Variants in OPHN1 observed in about 807,000 individuals in gnomAD.
OPHN1 encodes the protein oligophrenin-1.
Under a neutral mutation model 60.7 loss-of-function variants are expected in OPHN1, and 11 were observed. That is an observed-to-expected ratio of 0.18 (90% confidence interval 0.11 to 0.30). The LOEUF (loss-of-function observed/expected upper bound fraction) is 0.30. OPHN1 is among the 10% of genes least tolerant of loss of function. The pLI, the probability that OPHN1 is intolerant of heterozygous loss-of-function variation, is 1.00. For synonymous variants in OPHN1, 226 were observed against 222.6 expected (o/e 1.02, Z -0.14); for missense variants, 449 against 611.0 (o/e 0.73, Z 2.80).
At chrX:68,250,967 C>T (rs748555036) in intron 5 of OPHN1, among the ~76,000 whole-genome samples, 2 of 110,492 alleles carry the variant, frequency 1.8e-5, no homozygotes, top group African/African-American at 3.3e-5. Context: ...CAATATATAA[C>T]ATTTAAGTAC....
chrX:68,168,665 G>A lies in OPHN1; in HGVS notation c.1276+24254C>T, dbSNP rs758495231. ...AAATAACTAAAATCAGAGCAGAACT[G>A]AAGGAAATAGAGACACAGAAAACCC... On this transcript the variant is annotated intron_variant, in intron 15 of 24. Coordinates refer to ENST00000355520, the MANE Select transcript of OPHN1 (RefSeq NM_002547.3). 2.2e-4 allele frequency among the ~76,000 whole-genome samples: 25 copies of A among 112,482 alleles called. No individual in the cohort carries two copies. The East Asian group carries it at 5.3e-3, about 24-fold the overall frequency.
At chrX:68,179,037 T>G (rs1044451654) in intron 15 of OPHN1, among the ~76,000 whole-genome samples, 8 of 112,277 alleles carry the variant, frequency 7.1e-5, no homozygotes, top group Admixed American at 9.5e-5. Context: ...CTAGTTCCCT[T>G]TTAGCATTCC....
intron 15 of OPHN1, among the ~76,000 whole-genome samples, chrX:68,131,029 C>T (rs968893820): frequency 2.7e-5 from 3 of 109,796 alleles, no homozygotes; most frequent in African/African-American, 9.9e-5. Flanking sequence ...GAGAAGATGG[C>T]AAAAAATAAG....
chrX:68,227,474 G>A (rs1259073602), intron 6 of OPHN1, among the ~76,000 whole-genome samples: 5 of 110,836 alleles, frequency 4.5e-5, no homozygotes, highest in South Asian at 3.9e-4. Flanking sequence ...GCACCACATC[G>A]CACTTATTAA....
intron 23 of OPHN1, among the ~76,000 whole-genome samples, chrX:68,049,062 G>T (rs1422632204): frequency 9.0e-6 from 1 of 110,923 alleles, no homozygotes; most frequent in African/African-American, 3.3e-5. Context: ...TCCCATCCAT[G>T]GCTTCAATTG....
At chrX:68,120,586 A>G (rs1192600518) in intron 15 of OPHN1, among the ~76,000 whole-genome samples, 2 of 111,909 alleles carry the variant, frequency 1.8e-5, no homozygotes, top group Non-Finnish European at 3.8e-5. Context: ...TCTGGGTTCA[A>G]TGCAATTCCT....
At chrX:68,141,948 GAAAGAAAGAAAGAAGA>G (rs2077245117) in intron 15 of OPHN1, among the ~76,000 whole-genome samples, 1 of 97,951 alleles carries the variant, frequency 1.0e-5, no homozygotes, top group Non-Finnish European at 2.2e-5. Context: ...AAGAAAGAAA[GAAAGAAAGAAAGAAGA>G]GAGGCAAGAG....
chrX:68,340,828 A>C (rs1160659398), intron 2 of OPHN1, among the ~76,000 whole-genome samples: 1 of 110,231 alleles, frequency 9.1e-6, no homozygotes, highest in Non-Finnish European at 1.9e-5. Context: ...ACATGATGAA[A>C]CCCTGTCTCT....
chrX:68,310,588 G>A (rs1464971239), intron 2 of OPHN1, among the ~76,000 whole-genome samples: 1 of 110,562 alleles, frequency 9.0e-6, no homozygotes, highest in Admixed American at 9.7e-5. Flanking sequence ...AGGCAAATAA[G>A]TGGGTTCTCT....
chrX:68,295,170 A>C (rs1443426781), intron 3 of OPHN1, among the ~76,000 whole-genome samples: 3 of 112,200 alleles, frequency 2.7e-5, no homozygotes, highest in Non-Finnish European at 5.6e-5. Context: ...TCGGATATGA[A>C]GTTATACGAG....
At chrX:68,069,714 G>A (rs2076926108) in intron 20 of OPHN1, among the ~76,000 whole-genome samples, 1 of 110,629 alleles carries the variant, frequency 9.0e-6, no homozygotes, top group Non-Finnish European at 1.9e-5. Context: ...GTGATTGGAG[G>A]AGGAGAAAGA....
chrX:68,387,911 G>C (rs1220165457), intron 2 of OPHN1, among the ~76,000 whole-genome samples: 2 of 110,926 alleles, frequency 1.8e-5, no homozygotes, highest in African/African-American at 6.6e-5. Context: ...TTACAGAAGA[G>C]ATTTGAGCTG....
intron 5 of OPHN1, among the ~76,000 whole-genome samples, chrX:68,241,503 G>A (rs1462283947): frequency 9.0e-6 from 1 of 111,599 alleles, no homozygotes; most frequent in African/African-American, 3.3e-5. Flanking sequence ...TGATATTAGT[G>A]AGTATTAAAA....
At chrX:68,252,267 C>T (rs1269931848) in intron 5 of OPHN1, among the ~76,000 whole-genome samples, 3 of 112,397 alleles carry the variant, frequency 2.7e-5, no homozygotes, top group Admixed American at 9.5e-5. Flanking sequence ...ATGCTTATTG[C>T]TTTATGCCAC....
Position 68,053,707 on chromosome X carries a change from G to C in OPHN1, c.2262C>G (p.Pro754=). The change falls in exon 22 of 25, where the codon CCC becomes CCG. Residue 754 remains proline (P), a synonymous_variant. Transcript: ENST00000355520. ...TATCTGGCTTTGGTTCTGGCTTTTG[G>C]GGAGTAGCTGCCCGGCAGGGAGGAT... is the stretch of plus-strand genomic sequence containing the variant. The part of the protein sequence containing the change: ...PPDPPCRAAT[P]QKPEPKPDIV... 2 of 1,211,130 alleles carry C rather than the reference G, an allele frequency of 1.7e-6. No homozygotes were observed. The highest frequency in any genetic ancestry group is 3.0e-5 in the East Asian group (1 of 33,817).
At chrX:68,380,577 A>G (rs1275742651) in intron 2 of OPHN1, among the ~76,000 whole-genome samples, 2 of 111,158 alleles carry the variant, frequency 1.8e-5, no homozygotes, top group African/African-American at 6.5e-5. Context: ...AGTGCTATAA[A>G]TTTCCCTCTA....
intron 15 of OPHN1, among the ~76,000 whole-genome samples, chrX:68,186,128 A>G (rs1285007993): frequency 9.0e-6 from 1 of 111,294 alleles, no homozygotes; most frequent in Non-Finnish European, 1.9e-5. Context: ...AAAATATGTG[A>G]CTGTATCTAT....
At chrX:68,129,636 C>G (rs916119593) in intron 15 of OPHN1, among the ~76,000 whole-genome samples, 7 of 112,157 alleles carry the variant, frequency 6.2e-5, no homozygotes, top group Non-Finnish European at 1.3e-4. Context: ...TTTTTACATT[C>G]AGAGGCAAAC....
In OPHN1 at chrX:68,206,431, C is replaced by T. The variant is rs933177447; in HGVS notation, c.933+142G>A. On this transcript the variant is annotated intron_variant, in intron 10 of 24. Transcript: ENST00000355520. ...TCAACTCAGTGCTATCTGACTCAAACTTAGGCCAAGGTGTACATATAAAGT... is the reference window on the plus strand; with the variant it reads ...TCAACTCAGTGCTATCTGACTCAAATTTAGGCCAAGGTGTACATATAAAGT... The T allele has an allele frequency of 1.2e-5, 6 of 510,558 alleles. No individual in the cohort carries two copies. The Admixed American group carries it at 1.7e-4, about 15-fold the overall frequency. The allele number at this position is 510,558 out of a possible 1,213,427, so 42.1% of individuals were successfully genotyped here.
Sources: allele counts gnomAD v4.1 joint callset (sites outside exome capture counted in the v4.1 genomes callset), GRCh38; gene constraint gnomAD v4.1.1; transcripts MANE v1.5; gene names NCBI Gene and HGNC (gene_info 2026-07-23, HGNC 2026-07-21).